The following SRGAP3 variants were observed in gnomAD, a reference collection of about 807,000 sequenced individuals.
SRGAP3 encodes SLIT-ROBO Rho GTPase activating protein 3.
SRGAP3 carries 39 observed loss-of-function variants against 121.1 expected under a neutral mutation model. The observed-to-expected ratio is 0.32, with a 90% CI of 0.25 to 0.42. The LOEUF (loss-of-function observed/expected upper bound fraction) is 0.42. Among genes scored for constraint, SRGAP3 ranks in the 10% least tolerant of loss-of-function variants. The pLI is 1.00. For synonymous variants in SRGAP3, 601 were observed against 570.0 expected (o/e 1.05, Z -0.77); for missense variants, 1,213 against 1,470.6 (o/e 0.82, Z 2.86).
chr3:9,262,075 A>T lies in SRGAP3; in HGVS notation n.442+63935T>A, dbSNP rs528609625. ...CATATTCAACATTTTTAAAGAAAAG[A>T]ATTTTCAACCCAGAATTTCATATCC... On this transcript the variant is annotated intron_variant and non_coding_transcript_variant, in intron 3 of 3. Transcript: ENST00000490889. 3.3e-5 allele frequency among the ~76,000 whole-genome samples: 5 copies of T among 152,264 alleles called. No homozygotes were observed. The South Asian group carries it at 1.0e-3, about 32-fold the overall frequency.
At chr3:9,088,883 T>C (rs1947617372) in intron 3 of SRGAP3, among the ~76,000 whole-genome samples, 2 of 152,136 alleles carry the variant, frequency 1.3e-5, no homozygotes, top group South Asian at 4.2e-4. Flanking sequence ...CTTGTGCTAC[T>C]GCTGGTCCAG....
chr3:9,011,963 T>G lies in SRGAP3; in HGVS notation c.2147+1345A>C, dbSNP rs1307255770. Among the ~76,000 whole-genome samples the G allele has an allele frequency of 2.0e-5, 3 of 152,336 alleles. No individual in the cohort carries two copies. In the South Asian group the frequency reaches 6.2e-4, roughly 32 times the overall value. On this transcript the variant is annotated intron_variant, in intron 17 of 21. Transcript: ENST00000383836. ...GTCCCTTCCCAGAACACTAATTACA[T>G]ATATTGCAGCAAGAAAAGAGAACTG...
intron 4 of SRGAP3, among the ~76,000 whole-genome samples, chr3:9,070,544 A>G (rs1381276584): frequency 1.3e-5 from 2 of 152,258 alleles, no homozygotes; most frequent in Non-Finnish European, 2.9e-5. Flanking sequence ...TCAACAGATC[A>G]AAAGATCAGT....
intron 5 of SRGAP3, 51 bp from the exon 6 acceptor site, chr3:9,060,410 G>A: frequency 6.5e-7 from 1 of 1,536,168 alleles, no homozygotes; most frequent in Non-Finnish European, 8.9e-7. Flanking sequence ...AGAGGACGGG[G>A]TTTGTGATTT....
chr3:9,057,958 G>C (rs895029073), intron 7 of SRGAP3, among the ~76,000 whole-genome samples: 1 of 152,168 alleles, frequency 6.6e-6, no homozygotes, highest in Non-Finnish European at 1.5e-5. Flanking sequence ...CGCACATGTG[G>C]GGTTAGAACA....
intron 10 of SRGAP3, among the ~76,000 whole-genome samples, chr3:9,043,820 T>C (rs1464557583): frequency 2.6e-5 from 4 of 152,166 alleles, no homozygotes; most frequent in African/African-American, 4.8e-5. Flanking sequence ...CTCCTTCCCT[T>C]TTATAGGTGG....
chr3:9,167,807 A>G (rs549615823), intron 1 of SRGAP3, among the ~76,000 whole-genome samples: 1 of 152,318 alleles, frequency 6.6e-6, no homozygotes, highest in East Asian at 1.9e-4. Flanking sequence ...AGCCCAGCCT[A>G]GATATCTTTC....
intron 1 of SRGAP3, among the ~76,000 whole-genome samples, chr3:9,181,429 T>C (rs1187917905): frequency 2.0e-5 from 3 of 152,228 alleles, no homozygotes; most frequent in Admixed American, 2.0e-4. Flanking sequence ...GAAGTCCAGG[T>C]TGACTCAGGG....
intron 13 of SRGAP3, 57 bp from the exon 14 acceptor site, chr3:9,025,395 T>C: frequency 6.4e-7 from 1 of 1,556,848 alleles, no homozygotes; most frequent in Non-Finnish European, 8.9e-7. Context: ...TTGAGTTCAT[T>C]AGACTACCGG....
intron 3 of SRGAP3, among the ~76,000 whole-genome samples, chr3:9,315,608 C>T (rs1244474915): frequency 6.6e-6 from 1 of 152,164 alleles, no homozygotes; most frequent in African/African-American, 2.4e-5. Context: ...AGTAACTCAG[C>T]CAAACAGTTC....
intron 1 of SRGAP3, among the ~76,000 whole-genome samples, chr3:9,199,172 CAG>C (rs747718109): frequency 3.3e-5 from 5 of 152,342 alleles, no homozygotes; most frequent in South Asian, 2.1e-4. Flanking sequence ...GCTCCGTTAT[CAG>C]AGTTACTTAA....
chr3:9,343,827 C>G (rs2600195), intron 1 of SRGAP3, among the ~76,000 whole-genome samples: 5,683 of 152,206 alleles, frequency 0.037, 172 homozygotes, highest in Non-Finnish European at 0.049. Context: ...CAGTATCATG[C>G]CCAGCTAATT....
At chr3:9,247,821 A>G (rs1953876043) in intron 1 of SRGAP3, among the ~76,000 whole-genome samples, 1 of 152,228 alleles carries the variant, frequency 6.6e-6, no homozygotes, top group Non-Finnish European at 1.5e-5. Context: ...AGCGGACGCC[A>G]AGAGGCACGA....
intron 9 of SRGAP3, among the ~76,000 whole-genome samples, chr3:9,051,688 G>A (rs1945584955): frequency 3.3e-5 from 5 of 150,988 alleles, no homozygotes. Flanking sequence ...CGGTATAGAA[G>A]GGGTGAAAAT....
At chr3:9,034,351 C>G (rs1283804581) in intron 11 of SRGAP3, 3 of 152,200 alleles carry the variant, frequency 2.0e-5, no homozygotes, top group Non-Finnish European at 2.9e-5. Flanking sequence ...GACCTGGTCC[C>G]CCAAGTCTTG....
At chr3:9,184,988 C>G (rs1196943299) in intron 1 of SRGAP3, among the ~76,000 whole-genome samples, 1 of 152,146 alleles carries the variant, frequency 6.6e-6, no homozygotes. Flanking sequence ...CCCTAGTATA[C>G]CTTGTTCTTC....
At chr3:9,253,844 G>A (rs1257302350), upstream of SRGAP3, among the ~76,000 whole-genome samples, 1 of 152,200 alleles carries the variant, frequency 6.6e-6, no homozygotes, top group African/African-American at 2.4e-5. Flanking sequence ...GGGAGGGGAC[G>A]GAATGGCAAG....
At position 8,988,734 on chromosome 3, in the gene SRGAP3, AT is replaced by A. The variant is rs199788028; in HGVS notation, c.2886+1777del. 5.4e-3 allele frequency among the ~76,000 whole-genome samples: 816 copies of A among 150,556 alleles called. 5 individuals are homozygous for A. The highest frequency in any genetic ancestry group is 0.019 in the African/African-American group (756 of 40,262). ...TACGTGGAAGACAATTTTTCCACAG[AT>A]GGGGGGTCAGGAGGATGCTTTCGGA... On this transcript the variant is annotated intron_variant, in intron 21 of 21. Transcript: ENST00000383836.
chr3:9,042,117 A>AG (rs1354897514), intron 10 of SRGAP3, among the ~76,000 whole-genome samples: 19 of 142,772 alleles, frequency 1.3e-4, no homozygotes, highest in Non-Finnish European at 2.0e-4. Context: ...AAAAAAAAAA[A>AG]AGAGAGAGAG....
Sources: allele counts gnomAD v4.1 joint callset (sites outside exome capture counted in the v4.1 genomes callset), GRCh38; gene constraint gnomAD v4.1.1; transcripts MANE v1.5; gene names NCBI Gene and HGNC (gene_info 2026-07-23, HGNC 2026-07-21).